TERF2: variants seen among roughly 807,000 people sequenced by gnomAD.
The protein encoded by TERF2 is telomeric repeat-binding factor 2.
In TERF2, 16 loss-of-function variants were observed where a neutral mutation model predicts 56.1. That is an observed-to-expected ratio of 0.29 (90% CI 0.19 to 0.43). The LOEUF (loss-of-function observed/expected upper bound fraction) is 0.43. TERF2 is among the 20% of genes least tolerant of loss of function. TERF2 has a pLI of 1.00. For missense variants in TERF2, 547 were observed against 712.9 expected (o/e 0.77, Z 2.65); for synonymous variants, 296 against 282.1 (o/e 1.05, Z -0.50).
chr16:69,356,808 A>G lies in TERF2; in HGVS notation c.*90T>C, dbSNP rs2012922927. 2.1e-6 allele frequency: 3 copies of G among 1,438,972 alleles called. No individual in the cohort carries two copies. Among genetic ancestry groups the G allele is most frequent in the Admixed American group, 2.4e-5 (1 of 41,180 alleles). 89.1% of individuals were successfully genotyped at this position (1,438,972 alleles called of 1,614,324 possible). A position where few individuals can be genotyped will look rare whatever the true frequency, so the allele number is the denominator to read the frequency against. On this transcript the variant is annotated 3_prime_UTR_variant, in exon 10 of 10. Transcript: ENST00000254942. ...GAGCGAGACTCTGTCTCAAAAAAAA[A>G]AAAAAAAGAAAAAGAAAGAAAGAGC...
At chr16:69,385,537 T>C (rs1230597839) in intron 1 of TERF2, 51 bp from the exon 2 acceptor site, 1 of 1,595,944 alleles carries the variant, frequency 6.3e-7, no homozygotes, top group Admixed American at 1.7e-5. Flanking sequence ...CGACTCCCGG[T>C]CCCCCGGACC....
rs1567458355 is a variant in TERF2 at position 69,385,486 on chromosome 16, G to A, written c.380C>T (p.Ala127Val). 1.9e-6 allele frequency: 3 copies of A among 1,614,060 alleles called. No homozygotes were observed. The highest frequency in any genetic ancestry group is 1.1e-5 in the South Asian group (1 of 91,082). ...CTTCCCCAAGGGCCTGACAAGCAAAGCTGGGAGAGAAGACATCGTTGGCTG... is the reference window on the plus strand; with the variant it reads ...CTTCCCCAAGGGCCTGACAAGCAAAACTGGGAGAGAAGACATCGTTGGCTG... ...DFRQIRDIMQ[A>V]LLVRPLGKEH... is the part of the protein sequence containing the mutation. The change falls in exon 2 of 10, where the codon GCT becomes GTT. Residue 127 changes from alanine (A) to valine (V), a missense_variant and splice_region_variant. Coordinates refer to ENST00000254942, the MANE Select transcript of TERF2 (RefSeq NM_005652.5).
intron 7 of TERF2, among the ~76,000 whole-genome samples, chr16:69,362,114 C>T (rs1309099232): frequency 2.0e-5 from 3 of 151,708 alleles, no homozygotes; most frequent in Admixed American, 6.6e-5. Context: ...CAGTCTGGCC[C>T]GTCAGTTTCT....
chr16:69,362,067 G>A (rs1269215178), intron 7 of TERF2, among the ~76,000 whole-genome samples: 1 of 151,436 alleles, frequency 6.6e-6, no homozygotes, highest in African/African-American at 2.4e-5. Flanking sequence ...CCTGAACAGT[G>A]GCATCTATAT....
intron 3 of TERF2, among the ~76,000 whole-genome samples, chr16:69,376,691 C>CAAAAAA (rs1003834288): frequency 1.1e-5 from 1 of 94,804 alleles, no homozygotes; most frequent in Non-Finnish European, 2.3e-5. Flanking sequence ...CCATCTTTAC[C>CAAAAAA]AAAAAAAAAA....
chr16:69,380,778 C>A (rs1229743909), intron 3 of TERF2, among the ~76,000 whole-genome samples: 1 of 150,570 alleles, frequency 6.6e-6, no homozygotes, highest in African/African-American at 2.4e-5. Flanking sequence ...TTATGAAGAT[C>A]TTCAAATATT....
intron 3 of TERF2, among the ~76,000 whole-genome samples, chr16:69,379,766 G>A (rs1352390085): frequency 6.6e-6 from 1 of 151,950 alleles, no homozygotes; most frequent in East Asian, 1.9e-4. Flanking sequence ...GAAAAATTAC[G>A]GCATTTACTA....
rs902821409 is a variant in TERF2 at position 69,385,857 on chromosome 16, G to T, written c.115C>A (p.Arg39=). 5.9e-6 allele frequency: 8 copies of T among 1,365,364 alleles called. No individual in the cohort carries two copies. The African/African-American group carries it at 1.2e-4, about 21-fold the overall frequency. 84.6% of individuals were successfully genotyped at this position (1,365,364 alleles called of 1,614,324 possible). Residue 39 remains arginine, a synonymous_variant, in exon 1 of 10, where the codon CGA becomes AGA. Coordinates refer to ENST00000254942, the MANE Select transcript of TERF2 (RefSeq NM_005652.5). Reference sequence around the variant, plus strand: ...CCTCCTCCCGCCATCGTGTCCGATCGCCGCGCGCCCTCCCCGCCCTCCCGG... The same window carrying T: ...CCTCCTCCCGCCATCGTGTCCGATCTCCGCGCGCCCTCCCCGCCCTCCCGG... The part of the protein sequence containing the change: ...PGREGGEGAR[R]SDTMAGGGGS...
intron 3 of TERF2, among the ~76,000 whole-genome samples, chr16:69,375,964 G>A (rs1023679075): frequency 1.3e-5 from 2 of 152,106 alleles, no homozygotes; most frequent in Non-Finnish European, 2.9e-5. Flanking sequence ...CTAGATACCA[G>A]TTCTTTGTCA....
In TERF2 at chr16:69,356,695, G is replaced by T. The variant is rs1214942259; in HGVS notation, c.*203C>A. The T allele has an allele frequency of 2.2e-5, 11 of 493,228 alleles. No individual in the cohort carries two copies. The highest frequency in any genetic ancestry group is 3.9e-5 in the Admixed American group (1 of 25,330). The allele number at this position is 493,228 out of a possible 1,614,324, so 30.6% of individuals were successfully genotyped here. On this transcript the variant is annotated 3_prime_UTR_variant, in exon 10 of 10. Coordinates refer to ENST00000254942, the MANE Select transcript of TERF2 (RefSeq NM_005652.5). ...GGCGCCTGTAGTCCCAGCTACTCGG[G>T]AGGCTGAGGCAGGAGAATGGCGTGA...
intron 8 of TERF2, among the ~76,000 whole-genome samples, chr16:69,360,726 A>G (rs2013106897): frequency 6.6e-6 from 1 of 150,994 alleles, no homozygotes; most frequent in South Asian, 2.1e-4. Context: ...AAAAAAAAAA[A>G]GGATTTATAT....
At chr16:69,358,839 A>C (rs902588076) in intron 8 of TERF2, among the ~76,000 whole-genome samples, 63 of 152,276 alleles carry the variant, frequency 4.1e-4, no homozygotes, top group African/African-American at 1.4e-3. Flanking sequence ...CTGCTATAAC[A>C]GTCCTAATCC....
chr16:69,357,060 C>T lies in TERF2; in HGVS notation c.1471-4G>A. 1 of 1,600,866 alleles carries T rather than the reference C, an allele frequency of 6.2e-7. No individual in the cohort carries two copies. Among genetic ancestry groups the T allele is most frequent in the African/African-American group, 1.3e-5 (1 of 74,134 alleles). ...CGCTTTCTTCTACAGTCCACTTCTG[C>T]AAAAGAAAACCAAAAGATTTATTAC... On this transcript the variant is annotated splice_region_variant and splice_polypyrimidine_tract_variant and intron_variant, in intron 9 of 9. Coordinates refer to ENST00000254942, the MANE Select transcript of TERF2 (RefSeq NM_005652.5).
intron 5 of TERF2, among the ~76,000 whole-genome samples, chr16:69,368,865 G>A (rs1429595936): frequency 1.3e-5 from 2 of 151,826 alleles, no homozygotes; most frequent in African/African-American, 2.4e-5. Context: ...TAGTAGAGAC[G>A]GGGTTTCACC....
chr16:69,374,141 A>G (rs977641315), intron 3 of TERF2, among the ~76,000 whole-genome samples: 5 of 152,184 alleles, frequency 3.3e-5, no homozygotes, highest in African/African-American at 1.2e-4. Context: ...AACTATACTT[A>G]CTTTCTTGAA....
At chr16:69,368,033 G>A (rs1256031077) in intron 6 of TERF2, among the ~76,000 whole-genome samples, 1 of 152,208 alleles carries the variant, frequency 6.6e-6, no homozygotes, top group Non-Finnish European at 1.5e-5. Flanking sequence ...TTTAGGAACT[G>A]GTTTTGGGAT....
intron 7 of TERF2, chr16:69,365,399 G>A (rs2013304930): frequency 6.6e-6 from 1 of 152,356 alleles, no homozygotes; most frequent in Non-Finnish European, 1.5e-5. Flanking sequence ...CAAGTACAAT[G>A]CATGCCAGAC....
chr16:69,372,429 A>C, intron 3 of TERF2, 74 bp from the exon 4 acceptor site: 2 of 957,088 alleles, frequency 2.1e-6, no homozygotes, highest in Non-Finnish European at 3.2e-6. Flanking sequence ...CATCAAAATA[A>C]CTCTCTCTCA....
At chr16:69,381,305 T>C (rs772408426) in intron 3 of TERF2, among the ~76,000 whole-genome samples, 10 of 152,152 alleles carry the variant, frequency 6.6e-5, no homozygotes, top group Non-Finnish European at 1.3e-4. Flanking sequence ...AGAAAATGAC[T>C]GCCAAATACC....
Sources: gnomAD v4.1 joint callset for allele counts (sites outside exome capture counted in the v4.1 genomes callset) on GRCh38, gnomAD v4.1.1 for gene constraint, MANE v1.5 for transcripts, NCBI Gene and HGNC (gene_info 2026-07-23, HGNC 2026-07-21) for gene names.